Variants in STARD13 observed in about 807,000 individuals in gnomAD.
The protein encoded by STARD13 is stAR-related lipid transfer protein 13.
A neutral mutation model predicts 106.4 loss-of-function variants in STARD13; 62 were observed. That is an observed-to-expected ratio of 0.58 (90% CI 0.48 to 0.72). The LOEUF (loss-of-function observed/expected upper bound fraction) is 0.72. STARD13 is among the 30% of genes least tolerant of loss of function. STARD13 has a pLI of 0.00. For missense variants in STARD13, 1,387 were observed against 1,424.0 expected (o/e 0.97, Z 0.42); for synonymous variants, 565 against 553.0 (o/e 1.02, Z -0.31).
chr13:33,669,814 G>A, the STARD13 span, among the ~76,000 whole-genome samples: 6 of 152,070 alleles, frequency 3.9e-5, no homozygotes, highest in East Asian at 1.9e-4. Flanking sequence ...GATTACAGGC[G>A]TGAGCCACCA....
chr13:33,390,703 C>G, the STARD13 span, among the ~76,000 whole-genome samples: 6 of 152,148 alleles, frequency 3.9e-5, no homozygotes, highest in African/African-American at 1.4e-4. Context: ...AGCTCCCATT[C>G]TAGCTCCTTT....
chr13:33,298,601 T>C (rs1310029566), intron 1 of STARD13, among the ~76,000 whole-genome samples: 1 of 152,106 alleles, frequency 6.6e-6, no homozygotes, highest in East Asian at 1.9e-4. Context: ...AAAAAAAGGT[T>C]TATAAGTATA....
the STARD13 span, among the ~76,000 whole-genome samples, chr13:33,467,654 C>T: frequency 2.3e-4 from 35 of 152,070 alleles, 1 homozygote; most frequent in Non-Finnish European, 2.9e-5. Flanking sequence ...ATAATAATGG[C>T]GTGGTGACCA....
intron 12 of STARD13, among the ~76,000 whole-genome samples, chr13:33,108,453 AC>A (rs11323469): frequency 0.047 from 7,105 of 152,212 alleles, 541 homozygotes; most frequent in African/African-American, 0.16. Context: ...CCCCGCCCTG[AC>A]CATTCTATTT....
At chr13:33,380,967 C>T in the STARD13 span, among the ~76,000 whole-genome samples, 3 of 151,928 alleles carry the variant, frequency 2.0e-5, no homozygotes, top group Admixed American at 1.3e-4. Flanking sequence ...CAGGCCTGGC[C>T]CAGAATTGTA....
At chr13:33,219,634 C>A (rs971074044) in intron 1 of STARD13, among the ~76,000 whole-genome samples, 32 of 149,984 alleles carry the variant, frequency 2.1e-4, no homozygotes, top group African/African-American at 7.4e-4. Flanking sequence ...GAGTTTGAGT[C>A]CAGCATGGAT....
chr13:33,448,615 T>C, the STARD13 span, among the ~76,000 whole-genome samples: 1 of 152,188 alleles, frequency 6.6e-6, no homozygotes, highest in South Asian at 2.1e-4. Context: ...TTTGGATATA[T>C]ACCCAGTAGT....
chr13:33,564,506 A>C, the STARD13 span, among the ~76,000 whole-genome samples: 1 of 146,678 alleles, frequency 6.8e-6, no homozygotes, highest in East Asian at 2.0e-4. Flanking sequence ...TAAAAATAGA[A>C]CTACCATATG....
At chr13:33,542,622 C>G in the STARD13 span, among the ~76,000 whole-genome samples, 1 of 152,348 alleles carries the variant, frequency 6.6e-6, no homozygotes, top group East Asian at 1.9e-4. Flanking sequence ...TGGCGCCGCC[C>G]CGGGTTTCCG....
At chr13:33,307,080 G>T (rs1481538645) in intron 1 of STARD13, among the ~76,000 whole-genome samples, 1 of 152,138 alleles carries the variant, frequency 6.6e-6, no homozygotes, top group Non-Finnish European at 1.5e-5. Context: ...GATCCTTAAA[G>T]AAATGCAAAT....
intron 1 of STARD13, among the ~76,000 whole-genome samples, chr13:33,239,052 G>C (rs1046028844): frequency 2.7e-5 from 4 of 150,830 alleles, no homozygotes; most frequent in African/African-American, 9.8e-5. Context: ...CCCAGCCACT[G>C]ACAGTCATCA....
the STARD13 span, among the ~76,000 whole-genome samples, chr13:33,511,914 G>T: frequency 6.6e-6 from 1 of 152,154 alleles, no homozygotes; most frequent in Non-Finnish European, 1.5e-5. Context: ...CTTCATAAAA[G>T]ATGCAGAAAT....
chr13:33,412,516 TA>T, the STARD13 span, among the ~76,000 whole-genome samples: 2 of 152,096 alleles, frequency 1.3e-5, no homozygotes, highest in African/African-American at 4.8e-5. Flanking sequence ...ATATACTAAT[TA>T]AAGACAAAAA....
the STARD13 span, among the ~76,000 whole-genome samples, chr13:33,570,677 CT>C: frequency 1.7e-5 from 2 of 120,856 alleles, no homozygotes; most frequent in African/African-American, 3.0e-5. Context: ...AGACAGTTTG[CT>C]CATTTCGGAA....
chr13:33,268,544 GTTA>G (rs1184140754), intron 1 of STARD13, among the ~76,000 whole-genome samples: 4 of 152,210 alleles, frequency 2.6e-5, no homozygotes, highest in Non-Finnish European at 5.9e-5. Flanking sequence ...AGAAGATGTT[GTTA>G]TTATTATTAT....
chr13:33,532,428 T>G, the STARD13 span, among the ~76,000 whole-genome samples: 164 of 152,270 alleles, frequency 1.1e-3, no homozygotes, highest in African/African-American at 3.9e-3. Flanking sequence ...GGGTTGATCT[T>G]TTTAGGTGTA....
intron 1 of STARD13, among the ~76,000 whole-genome samples, chr13:33,278,984 A>G (rs527348360): frequency 9.2e-5 from 14 of 152,260 alleles, no homozygotes; most frequent in South Asian, 4.1e-4. Context: ...TCATATTTCA[A>G]TTGCTCCAAG....
the STARD13 span, among the ~76,000 whole-genome samples, chr13:33,489,359 ATTAAG>A: frequency 2.0e-3 from 304 of 152,298 alleles, 2 homozygotes; most frequent in Non-Finnish European, 2.9e-3. Context: ...CTTTTGTGTT[ATTAAG>A]TTATCTCTTG....
the STARD13 span, among the ~76,000 whole-genome samples, chr13:33,495,483 C>T: frequency 1.3e-5 from 2 of 152,178 alleles, no homozygotes; most frequent in East Asian, 1.9e-4. Flanking sequence ...AGTTAAAGGA[C>T]GGGAAAGCTT....
Sources: gnomAD v4.1 joint callset for allele counts (sites outside exome capture counted in the v4.1 genomes callset) on GRCh38, gnomAD v4.1.1 for gene constraint, MANE v1.5 for transcripts, NCBI Gene and HGNC (gene_info 2026-07-23, HGNC 2026-07-21) for gene names.